TNFAIP8: variants seen among roughly 807,000 people sequenced by gnomAD.
TNFAIP8 encodes TNF alpha induced protein 8, also known as tumor necrosis factor alpha-induced protein 8.
A neutral mutation model predicts 13.3 loss-of-function variants in TNFAIP8; 7 were observed. The observed-to-expected ratio is 0.52, with a 90% confidence interval of 0.30 to 0.99. The LOEUF is 0.99. Ranked by LOEUF, TNFAIP8 falls within the 50% of genes least tolerant of loss-of-function variation. The probability of loss-of-function intolerance (pLI) is 0.07; values close to 1 mark genes in which losing one functional copy is unlikely to be tolerated. For synonymous variants in TNFAIP8, 94 were observed against 87.6 expected (o/e 1.07, Z -0.41); for missense variants, 258 against 236.9 (o/e 1.09, Z -0.58).
intron 1 of TNFAIP8, among the ~76,000 whole-genome samples, chr5:119,371,260 G>C (rs919837433): frequency 1.3e-5 from 2 of 152,072 alleles, no homozygotes; most frequent in African/African-American, 2.4e-5. Context: ...TATGTTTCAA[G>C]GAAATAAAGG....
intron 1 of TNFAIP8, among the ~76,000 whole-genome samples, chr5:119,387,151 G>A (rs1752713887): frequency 6.6e-6 from 1 of 152,172 alleles, no homozygotes; most frequent in African/African-American, 2.4e-5. Flanking sequence ...AAATCTCCAT[G>A]TAGGGAGGTC....
At chr5:119,327,294 C>T (rs1469730783) in intron 1 of TNFAIP8, among the ~76,000 whole-genome samples, 1 of 152,104 alleles carries the variant, frequency 6.6e-6, no homozygotes, top group African/African-American at 2.4e-5. Flanking sequence ...GCTCAGGGTA[C>T]AGATGGGAAG....
At chr5:119,369,612 A>T (rs1752000940) in intron 1 of TNFAIP8, among the ~76,000 whole-genome samples, 1 of 152,216 alleles carries the variant, frequency 6.6e-6, no homozygotes, top group East Asian at 1.9e-4. Context: ...CCATACATTG[A>T]TATTTTTTGT....
intron 1 of TNFAIP8, among the ~76,000 whole-genome samples, chr5:119,387,506 T>A (rs1414500353): frequency 1.3e-5 from 2 of 152,210 alleles, no homozygotes; most frequent in Non-Finnish European, 2.9e-5. Flanking sequence ...GGTAAGACTG[T>A]AAAGAAAATG....
At chr5:119,352,317 G>C (rs73237289), upstream of TNFAIP8, among the ~76,000 whole-genome samples, 5 of 151,974 alleles carry the variant, frequency 3.3e-5, no homozygotes, top group Non-Finnish European at 5.9e-5. Context: ...TATAGATCAC[G>C]GAAGCCTTCG....
At chr5:119,379,767 A>C (rs1562030054) in intron 1 of TNFAIP8, among the ~76,000 whole-genome samples, 2 of 151,778 alleles carry the variant, frequency 1.3e-5, no homozygotes, top group African/African-American at 4.8e-5. Flanking sequence ...ATTTTTTTGT[A>C]TTTTTAGTAG....
At chr5:119,341,180 C>T (rs1020892000) in intron 1 of TNFAIP8, among the ~76,000 whole-genome samples, 2 of 151,688 alleles carry the variant, frequency 1.3e-5, no homozygotes, top group Admixed American at 1.3e-4. Context: ...AATAACCCTC[C>T]AGTGCTCTGC....
intron 1 of TNFAIP8, among the ~76,000 whole-genome samples, chr5:119,322,583 C>T (rs1231776840): frequency 6.6e-6 from 1 of 152,206 alleles, no homozygotes; most frequent in Non-Finnish European, 1.5e-5. Context: ...CCAAACGAGT[C>T]CATGCTGCTC....
rs182564703 is a variant in TNFAIP8 at position 119,375,189 on chromosome 5, T to C, written c.32-17627T>C. On this transcript the variant is annotated intron_variant, in intron 1 of 1. Transcript: ENST00000504771. ...TTCATAATCCCAACAGAAAGCACCTTTCCACAGGGGAGCAAGTGATTGGGA... is the reference window on the plus strand; with the variant it reads ...TTCATAATCCCAACAGAAAGCACCTCTCCACAGGGGAGCAAGTGATTGGGA... Among the ~76,000 whole-genome samples, 602 of 152,360 alleles carry C rather than the reference T, an allele frequency of 4.0e-3. 9 individuals carry two copies. Among genetic ancestry groups the C allele is most frequent in the Non-Finnish European group, 5.8e-3 (393 of 68,038 alleles).
At chr5:119,346,749 G>A (rs187464225) in intron 1 of TNFAIP8, among the ~76,000 whole-genome samples, 11 of 152,298 alleles carry the variant, frequency 7.2e-5, no homozygotes, top group Admixed American at 7.2e-4. Flanking sequence ...GAGAAATGTT[G>A]TGTATTGCTT....
chr5:119,350,699 T>A (rs1375539919), intron 1 of TNFAIP8, among the ~76,000 whole-genome samples: 1 of 152,184 alleles, frequency 6.6e-6, no homozygotes, highest in Non-Finnish European at 1.5e-5. Context: ...CTCTCAGAAT[T>A]AGGCACTCAC....
At chr5:119,378,912 AAG>A (rs919486694) in intron 1 of TNFAIP8, among the ~76,000 whole-genome samples, 1 of 152,042 alleles carries the variant, frequency 6.6e-6, no homozygotes. Flanking sequence ...CATCTCTACA[AAG>A]AGAGCCTGGC....
At chr5:119,295,767 G>T (rs1232760837) in intron 1 of TNFAIP8, among the ~76,000 whole-genome samples, 2 of 152,188 alleles carry the variant, frequency 1.3e-5, no homozygotes, top group Non-Finnish European at 2.9e-5. Context: ...CATGAACATG[G>T]AATGTTCTTC....
chr5:119,370,877 C>G (rs1161852300), intron 1 of TNFAIP8, among the ~76,000 whole-genome samples: 2 of 152,202 alleles, frequency 1.3e-5, no homozygotes, highest in Non-Finnish European at 2.9e-5. Context: ...TTAAGGCCTA[C>G]ATTTGGAACC....
At chr5:119,392,569 C>A (rs1752932709) in intron 1 of TNFAIP8, among the ~76,000 whole-genome samples, 2 of 152,074 alleles carry the variant, frequency 1.3e-5, no homozygotes, top group Non-Finnish European at 2.9e-5. Context: ...CCGGGCTGGT[C>A]TCAAACTCCT....
intron 1 of TNFAIP8, among the ~76,000 whole-genome samples, chr5:119,295,199 AC>A (rs1749132281): frequency 1.3e-4 from 2 of 15,754 alleles, no homozygotes; most frequent in African/African-American, 8.7e-4. Flanking sequence ...CTAACGTTAG[AC>A]CTATAGGTCT....
rs139144234 is a variant in TNFAIP8, at chr5:119,269,107, A to T, written c.1+200A>T. 3.9e-3 allele frequency among the ~76,000 whole-genome samples: 596 copies of T among 152,146 alleles called. 3 individuals are homozygous for T. The highest frequency in any genetic ancestry group is 0.014 in the African/African-American group (586 of 41,486). ...GTGTGCAGGAGCGCACAGCCTCGGA[A>T]ACTCCGCGAAATTTTACTCGGTTCC... is the stretch of plus-strand genomic sequence containing the variant. On this transcript the variant is annotated intron_variant, in intron 1 of 1. Coordinates refer to the TNFAIP8 transcript ENST00000274456.
upstream of TNFAIP8, among the ~76,000 whole-genome samples, chr5:119,353,027 T>G (rs1358302067): frequency 6.6e-6 from 1 of 152,340 alleles, no homozygotes; most frequent in East Asian, 1.9e-4. Flanking sequence ...ATTAGACACT[T>G]GCAGGAGTTC....
intron 1 of TNFAIP8, among the ~76,000 whole-genome samples, chr5:119,282,916 A>G (rs761656157): frequency 2.6e-5 from 4 of 152,180 alleles, no homozygotes; most frequent in Non-Finnish European, 5.9e-5. Flanking sequence ...TGCTCAACTT[A>G]TACACTGTGT....
Sources: gnomAD v4.1 joint callset for allele counts (sites outside exome capture counted in the v4.1 genomes callset) on GRCh38, gnomAD v4.1.1 for gene constraint, MANE v1.5 for transcripts, NCBI Gene and HGNC (gene_info 2026-07-23, HGNC 2026-07-21) for gene names.